Variants in ADAMTS12 observed in about 807,000 individuals in gnomAD.
ADAMTS12 encodes the protein A disintegrin and metalloproteinase with thrombospondin motifs 12.
Under a neutral mutation model 167.8 loss-of-function variants are expected in ADAMTS12, and 118 were observed. The ratio of observed to expected loss-of-function variants is 0.70; its 90% CI spans 0.61 to 0.82. ADAMTS12 has a LOEUF of 0.82. ADAMTS12 is among the 40% of genes least tolerant of loss of function. The probability of loss-of-function intolerance (pLI) is 0.00; values close to 1 mark genes in which losing one functional copy is unlikely to be tolerated. For synonymous variants in ADAMTS12, 704 were observed against 716.9 expected (o/e 0.98, Z 0.29); for missense variants, 1,916 against 1,998.8 (o/e 0.96, Z 0.79).
chr5:33,684,368 G>A (rs931301246), intron 3 of ADAMTS12, among the ~76,000 whole-genome samples: 2 of 152,072 alleles, frequency 1.3e-5, no homozygotes, highest in Non-Finnish European at 2.9e-5. Flanking sequence ...AAATTATTTA[G>A]TGCCTACTGT....
At chr5:33,610,587 C>T (rs1738681903) in intron 16 of ADAMTS12, among the ~76,000 whole-genome samples, 1 of 152,148 alleles carries the variant, frequency 6.6e-6, no homozygotes, top group Non-Finnish European at 1.5e-5. Context: ...GATATGGAGA[C>T]TGTATGACCT....
intron 2 of ADAMTS12, among the ~76,000 whole-genome samples, chr5:33,775,078 T>C (rs1192055025): frequency 1.3e-5 from 2 of 152,174 alleles, no homozygotes; most frequent in African/African-American, 4.8e-5. Context: ...CAGGTCATTC[T>C]GATGCAGAAA....
At chr5:33,533,029 C>T (rs1220680572) in intron 23 of ADAMTS12, among the ~76,000 whole-genome samples, 2 of 152,104 alleles carry the variant, frequency 1.3e-5, no homozygotes, top group African/African-American at 4.8e-5. Context: ...CTTTTGTGGC[C>T]CTGATAATTG....
At position 33,684,021 on chromosome 5, in the gene ADAMTS12, C is replaced by T. The variant is rs763316873; in HGVS notation, c.669G>A (p.Trp223Ter). The T allele has an allele frequency of 6.2e-7, 1 of 1,605,954 alleles. No individual in the cohort carries two copies. The highest frequency in any genetic ancestry group is 8.5e-7 in the Non-Finnish European group (1 of 1,176,054). Residue 223 changes from tryptophan (W) to a stop codon, truncating the protein, a stop_gained, in exon 4 of 24, where the codon TGG becomes TGA. Coordinates refer to ENST00000504830, the MANE Select transcript of ADAMTS12 (RefSeq NM_030955.4). LOFTEE classifies it high-confidence loss of function. ...AGTTGTGCCTCTCCCACTTCTCCCG[C>T]CATAGCTCTTGCTTCTGGGAGATGT... ...SVNISQKQEL[W>*]REKWERHNLP...
At chr5:33,612,051 T>C (rs1214685374) in intron 16 of ADAMTS12, among the ~76,000 whole-genome samples, 1 of 152,248 alleles carries the variant, frequency 6.6e-6, no homozygotes, top group Non-Finnish European at 1.5e-5. Context: ...TCAGGCAACC[T>C]TCCAATGTTA....
chr5:33,528,191 T>C (rs1463423960), intron 23 of ADAMTS12, among the ~76,000 whole-genome samples: 1 of 152,072 alleles, frequency 6.6e-6, no homozygotes, highest in African/African-American at 2.4e-5. Flanking sequence ...ACCAAATATA[T>C]GTTCTCATTT....
At chr5:33,569,858 G>C (rs1459384688) in intron 19 of ADAMTS12, among the ~76,000 whole-genome samples, 1 of 152,118 alleles carries the variant, frequency 6.6e-6, no homozygotes, top group Non-Finnish European at 1.5e-5. Context: ...AAAAAATTTA[G>C]ACGAATGTAT....
rs1744279750 is a variant in ADAMTS12, at chr5:33,733,934, A to G, written c.634+17470T>C. ...GAACTTCAGAAACACCCAAGGTCTC[A>G]GAGCTGTTCAGTGCAAGAATTCACA... On this transcript the variant is annotated intron_variant, in intron 3 of 23. Transcript: ENST00000504830. 2.0e-5 allele frequency among the ~76,000 whole-genome samples: 3 copies of G among 151,986 alleles called. 1 individual carries two copies. In the South Asian group the frequency reaches 6.2e-4, roughly 32 times the overall value.
At position 33,565,955 on chromosome 5, in the gene ADAMTS12, C is replaced by T. The variant is rs148241461; in HGVS notation, c.3973-4776G>A. ...TTCTCAAGACAAAATAATTAAAACA[C>T]ATTTAAATTCCATAATTCCACAACT... is the stretch of plus-strand genomic sequence containing the variant. On this transcript the variant is annotated intron_variant, in intron 19 of 23. Transcript: ENST00000504830. 2.7e-4 allele frequency among the ~76,000 whole-genome samples: 41 copies of T among 152,170 alleles called. No individual in the cohort carries two copies. The East Asian group carries it at 7.1e-3, about 27-fold the overall frequency.
chr5:33,843,849 C>T (rs879907824), intron 2 of ADAMTS12, among the ~76,000 whole-genome samples: 4 of 152,208 alleles, frequency 2.6e-5, no homozygotes, highest in African/African-American at 9.7e-5. Flanking sequence ...AGATCTCCTA[C>T]TACACAGAAT....
Position 33,637,681 on chromosome 5 carries a change from G to C in ADAMTS12, c.1784C>G (p.Pro595Arg), listed in dbSNP as rs561767250. 1.2e-6 allele frequency: 2 copies of C among 1,613,778 alleles called. No individual in the cohort carries two copies. The highest frequency in any genetic ancestry group is 1.1e-5 in the South Asian group (1 of 91,068). ...AAATGTTGGTGCCTCTGAGCGACAG[G>C]GGTGGACGTTGCACAAGCGATAGCG... ...RKRYRLCNVH[P>R]CRSEAPTFRQ... Residue 595 changes from proline to arginine, a missense_variant, in exon 12 of 24, where the codon CCC becomes CGC. Pro to Arg is a moderately radical substitution (Grantham distance 103, BLOSUM62 -2). Coordinates refer to ENST00000504830, the MANE Select transcript of ADAMTS12 (RefSeq NM_030955.4).
intron 2 of ADAMTS12, among the ~76,000 whole-genome samples, chr5:33,817,751 G>T (rs767272949): frequency 2.6e-5 from 4 of 151,992 alleles, no homozygotes; most frequent in Non-Finnish European, 5.9e-5. Flanking sequence ...CACGCCTAAA[G>T]AAATTAGCCA....
At chr5:33,606,626 C>A (rs902964492) in intron 16 of ADAMTS12, among the ~76,000 whole-genome samples, 2 of 152,160 alleles carry the variant, frequency 1.3e-5, no homozygotes, top group Non-Finnish European at 2.9e-5. Context: ...CCCACCTAAC[C>A]AAAGTAGGAC....
intron 3 of ADAMTS12, among the ~76,000 whole-genome samples, chr5:33,706,062 C>T (rs1743191414): frequency 6.6e-6 from 1 of 151,994 alleles, no homozygotes; most frequent in Non-Finnish European, 1.5e-5. Flanking sequence ...TCTACAGATT[C>T]AATGCAACTC....
chr5:33,572,787 T>G (rs1273963353), intron 19 of ADAMTS12, among the ~76,000 whole-genome samples: 95 of 146,386 alleles, frequency 6.5e-4, no homozygotes, highest in Non-Finnish European at 1.2e-3. Context: ...GGTATTCAAT[T>G]AGGAAAAGAG....
intron 3 of ADAMTS12, among the ~76,000 whole-genome samples, chr5:33,720,249 AAT>A (rs1362469356): frequency 6.8e-6 from 1 of 147,870 alleles, no homozygotes; most frequent in African/African-American, 2.5e-5. Flanking sequence ...ATAAAATGTT[AAT>A]AGTTTCCATT....
intron 2 of ADAMTS12, among the ~76,000 whole-genome samples, chr5:33,810,371 C>A (rs536066709): frequency 2.8e-4 from 42 of 152,206 alleles, no homozygotes; most frequent in Non-Finnish European, 5.6e-4. Flanking sequence ...ATAACAACTA[C>A]GTTTCATTTT....
At chr5:33,755,143 T>C (rs1745124444) in intron 2 of ADAMTS12, among the ~76,000 whole-genome samples, 1 of 152,248 alleles carries the variant, frequency 6.6e-6, no homozygotes, top group African/African-American at 2.4e-5. Flanking sequence ...GTTTTGAGCC[T>C]ATTTTGAATT....
At chr5:33,549,120 C>T in intron 21 of ADAMTS12, 87 bp downstream of exon 21, 2 of 1,489,534 alleles carry the variant, frequency 1.3e-6, no homozygotes, top group East Asian at 2.3e-5. Flanking sequence ...GTGTGGTCTT[C>T]CCTGATTTCT....
Sources: allele counts gnomAD v4.1 joint callset (sites outside exome capture counted in the v4.1 genomes callset), GRCh38; gene constraint gnomAD v4.1.1; transcripts MANE v1.5; gene names NCBI Gene and HGNC (gene_info 2026-07-23, HGNC 2026-07-21).